ESR1: variants seen among roughly 807,000 people sequenced by gnomAD.
ESR1 encodes the protein estrogen receptor.
In ESR1, 12 loss-of-function variants were observed where a neutral mutation model predicts 52.7. The observed-to-expected ratio is 0.23, with a 90% confidence interval of 0.15 to 0.37. The LOEUF (loss-of-function observed/expected upper bound fraction) is 0.37. Among genes scored for constraint, ESR1 ranks in the 10% least tolerant of loss-of-function variants. The pLI is 1.00. For synonymous variants in ESR1, 305 were observed against 316.8 expected (o/e 0.96, Z 0.39); for missense variants, 584 against 779.7 (o/e 0.75, Z 2.99).
intron 3 of ESR1, among the ~76,000 whole-genome samples, chr6:151,922,729 A>G (rs528940962): frequency 3.1e-4 from 47 of 152,312 alleles, no homozygotes; most frequent in Non-Finnish European, 6.0e-4. Context: ...ATGAAAACCA[A>G]GATATGGGCT....
In ESR1 at chr6:151,938,499, A is replaced by T. The variant is rs140559639; in HGVS notation, c.761-5674A>T. Among the ~76,000 whole-genome samples the T allele has an allele frequency of 3.6e-3, 543 of 152,258 alleles. 4 individuals carry two copies. Among genetic ancestry groups the T allele is most frequent in the African/African-American group, 0.012 (518 of 41,556 alleles). On this transcript the variant is annotated intron_variant, in intron 3 of 7. Transcript: ENST00000206249. ...TTTTAGGGCCAGGACATAATTATTTAAGCAGTTGATGTGTCTTTAGCTCCT... is the reference window on the plus strand; with the variant it reads ...TTTTAGGGCCAGGACATAATTATTTTAGCAGTTGATGTGTCTTTAGCTCCT...
chr6:152,042,351 A>G (rs896395111), intron 5 of ESR1, among the ~76,000 whole-genome samples: 2 of 152,148 alleles, frequency 1.3e-5, no homozygotes, highest in Non-Finnish European at 2.9e-5. Flanking sequence ...CCATTAATTA[A>G]CTGATCTCCA....
At chr6:151,877,421 A>G (rs1327941967) in intron 2 of ESR1, among the ~76,000 whole-genome samples, 2 of 152,216 alleles carry the variant, frequency 1.3e-5, no homozygotes, top group Non-Finnish European at 2.9e-5. Context: ...GCATATATCA[A>G]ATATGTATTT....
chr6:151,894,345 T>C (rs1393610981), intron 3 of ESR1, among the ~76,000 whole-genome samples: 1 of 152,224 alleles, frequency 6.6e-6, no homozygotes, highest in Non-Finnish European at 1.5e-5. Context: ...GTGGGTTGTT[T>C]GTTTACTCTG....
intron 5 of ESR1, among the ~76,000 whole-genome samples, chr6:152,058,888 T>A (rs1354540209): frequency 6.6e-6 from 1 of 152,196 alleles, no homozygotes; most frequent in African/African-American, 2.4e-5. Flanking sequence ...TGATTTGACG[T>A]AACAATCTTG....
chr6:151,925,468 A>G (rs2032560715), intron 3 of ESR1, among the ~76,000 whole-genome samples: 1 of 152,102 alleles, frequency 6.6e-6, no homozygotes, highest in Admixed American at 6.6e-5. Context: ...TTAGTCGGAC[A>G]TGGTGTCGGG....
At chr6:151,665,171 G>A (rs542059705) in intron 1 of ESR1, among the ~76,000 whole-genome samples, 1 of 152,244 alleles carries the variant, frequency 6.6e-6, no homozygotes, top group East Asian at 1.9e-4. Context: ...GCAAACGGCT[G>A]CACCTAGCAT....
intron 1 of ESR1, among the ~76,000 whole-genome samples, chr6:151,815,696 C>T (rs570977894): frequency 2.0e-4 from 30 of 152,350 alleles, no homozygotes; most frequent in Middle Eastern, 6.8e-3. Context: ...AATTCGCTGA[C>T]TTACTGACGT....
intron 2 of ESR1, among the ~76,000 whole-genome samples, chr6:151,765,620 A>G (rs939676181): frequency 6.6e-6 from 1 of 152,060 alleles, no homozygotes; most frequent in African/African-American, 2.4e-5. Context: ...TTCCATGTCG[A>G]CCCTGTAGAT....
rs541350780 is a variant in ESR1, at chr6:152,066,867, C to T, written c.1369+5743C>T. Among the ~76,000 whole-genome samples the T allele has an allele frequency of 4.6e-5, 7 of 152,074 alleles. No individual in the cohort carries two copies. The South Asian group carries it at 1.2e-3, about 27-fold the overall frequency. On this transcript the variant is annotated intron_variant, in intron 6 of 7. Coordinates refer to ENST00000206249, the MANE Select transcript of ESR1 (RefSeq NM_000125.4). ...TCCTTTGATAAGCTGCTTCCCTGAG[C>T]CTAATAAAAAAATAGAAATAATGAT...
intron 3 of ESR1, among the ~76,000 whole-genome samples, chr6:151,918,412 G>A (rs574867632): frequency 6.6e-6 from 1 of 152,234 alleles, no homozygotes; most frequent in Non-Finnish European, 1.5e-5. Flanking sequence ...GCTCATCTGT[G>A]CCTAAGTAGA....
intron 2 of ESR1, among the ~76,000 whole-genome samples, chr6:151,862,053 C>A (rs1788985577): frequency 6.6e-6 from 1 of 152,092 alleles, no homozygotes; most frequent in Non-Finnish European, 1.5e-5. Context: ...GATTTAATAT[C>A]TAATAATAAT....
chr6:151,720,610 C>G (rs1232937374), intron 2 of ESR1, among the ~76,000 whole-genome samples: 1 of 152,116 alleles, frequency 6.6e-6, no homozygotes. Context: ...TTTTTCCAAG[C>G]TTTTTGATCA....
chr6:152,050,791 G>A (rs2046621082), intron 5 of ESR1, among the ~76,000 whole-genome samples: 2 of 152,170 alleles, frequency 1.3e-5, no homozygotes, highest in African/African-American at 4.8e-5. Flanking sequence ...TCTCAAAGTT[G>A]GGAGGTTGTT....
chr6:151,998,491 A>G (rs535992583), intron 4 of ESR1, among the ~76,000 whole-genome samples: 1 of 152,060 alleles, frequency 6.6e-6, no homozygotes, highest in Non-Finnish European at 1.5e-5. Context: ...GGGCAAATGC[A>G]TCCTCCTTCC....
intron 2 of ESR1, among the ~76,000 whole-genome samples, chr6:151,719,609 G>A (rs1416188119): frequency 6.6e-6 from 1 of 152,152 alleles, no homozygotes; most frequent in East Asian, 1.9e-4. Context: ...TTTGATTGGG[G>A]AGTTCAGAGG....
chr6:151,721,609 G>C (rs545395409), intron 2 of ESR1, among the ~76,000 whole-genome samples: 1 of 152,302 alleles, frequency 6.6e-6, no homozygotes, highest in South Asian at 2.1e-4. Context: ...GTTTGGAAAG[G>C]AAGATGCTAA....
intron 2 of ESR1, among the ~76,000 whole-genome samples, chr6:151,877,228 A>C (rs570482697): frequency 1.3e-5 from 2 of 152,236 alleles, no homozygotes; most frequent in African/African-American, 4.8e-5. Flanking sequence ...GTCATCTAGC[A>C]TTAGGTATAT....
chr6:152,054,481 C>T (rs2046945550), intron 5 of ESR1, among the ~76,000 whole-genome samples: 1 of 152,054 alleles, frequency 6.6e-6, no homozygotes. Flanking sequence ...CTCCTACCTG[C>T]CGTCTCTTCC....
Sources: gnomAD v4.1 joint callset for allele counts (sites outside exome capture counted in the v4.1 genomes callset) on GRCh38, gnomAD v4.1.1 for gene constraint, MANE v1.5 for transcripts, NCBI Gene and HGNC (gene_info 2026-07-23, HGNC 2026-07-21) for gene names.